Variants in CNBD1 observed in about 807,000 individuals in gnomAD.
CNBD1 encodes the protein cyclic nucleotide binding domain containing 1, also known as cyclic nucleotide-binding domain-containing protein 1.
CNBD1 carries 71 observed loss-of-function variants against 54.4 expected under a neutral mutation model. The ratio of observed to expected loss-of-function variants is 1.30; its 90% CI spans 1.08 to 1.59. The LOEUF is 1.59. Among genes scored for constraint, CNBD1 ranks in the 40% most tolerant of loss-of-function variants. The pLI is 0.00. For missense variants in CNBD1, 659 were observed against 518.0 expected, an observed-to-expected ratio of 1.27 and a Z score of -2.64; for synonymous variants, 182 against 170.7, an observed-to-expected ratio of 1.07 and a Z score of -0.51.
chr8:86,872,690 CT>C (rs949237019), intron 1 of CNBD1, among the ~76,000 whole-genome samples: 1 of 152,004 alleles, frequency 6.6e-6, no homozygotes, highest in Non-Finnish European at 1.5e-5. Context: ...GAGATATTGA[CT>C]TTTTTTTGTT....
chr8:87,229,444 A>G (rs1188294766), intron 5 of CNBD1, among the ~76,000 whole-genome samples: 2 of 152,218 alleles, frequency 1.3e-5, no homozygotes, highest in African/African-American at 2.4e-5. Context: ...CTCACAATTC[A>G]TACATTTAAC....
At chr8:87,055,282 T>C (rs528884196) in intron 4 of CNBD1, among the ~76,000 whole-genome samples, 2 of 152,338 alleles carry the variant, frequency 1.3e-5, no homozygotes, top group South Asian at 4.1e-4. Flanking sequence ...TATGAGAAAC[T>C]TCTCTCATCT....
chr8:87,342,773 A>G (rs537626824), intron 8 of CNBD1, among the ~76,000 whole-genome samples: 1 of 152,138 alleles, frequency 6.6e-6, no homozygotes, highest in East Asian at 1.9e-4. Context: ...CAAGGATCAC[A>G]TGCTTCAAAG....
chr8:87,125,231 T>C (rs1811967770), intron 4 of CNBD1, among the ~76,000 whole-genome samples: 1 of 151,752 alleles, frequency 6.6e-6, no homozygotes, highest in Non-Finnish European at 1.5e-5. Context: ...ATTTATAAAT[T>C]TGATGCAATC....
chr8:86,919,018 T>C (rs1170440293), intron 3 of CNBD1, among the ~76,000 whole-genome samples: 2 of 151,902 alleles, frequency 1.3e-5, no homozygotes, highest in Admixed American at 1.3e-4. Flanking sequence ...GAAAATATCA[T>C]GCTTTTTTTT....
At chr8:87,119,792 G>C (rs1166715441) in intron 4 of CNBD1, among the ~76,000 whole-genome samples, 1 of 151,922 alleles carries the variant, frequency 6.6e-6, no homozygotes, top group African/African-American at 2.4e-5. Flanking sequence ...TATAGTGAAG[G>C]GATGTTGAAA....
chr8:87,204,747 C>G (rs1320082115), intron 4 of CNBD1, among the ~76,000 whole-genome samples: 1 of 152,108 alleles, frequency 6.6e-6, no homozygotes, highest in Non-Finnish European at 1.5e-5. Context: ...AAACCTCTGT[C>G]TTTACAGCCT....
Position 87,286,536 on chromosome 8 carries a change from T to C in CNBD1, c.910-3T>C, listed in dbSNP as rs903811628. On this transcript the variant is annotated splice_region_variant and splice_polypyrimidine_tract_variant and intron_variant, in intron 7 of 10. Coordinates refer to ENST00000518476, the MANE Select transcript of CNBD1 (RefSeq NM_173538.3). Reference sequence around the variant, plus strand: ...AAAATTTGATAATGACATTCTGTTTTAGGAAAAAATAAAACTTGAAAATAT... The same window carrying C: ...AAAATTTGATAATGACATTCTGTTTCAGGAAAAAATAAAACTTGAAAATAT... 1 of 1,398,452 alleles carries C rather than the reference T, an allele frequency of 7.2e-7. No individual in the cohort carries two copies. The highest frequency in any genetic ancestry group is 9.9e-7 in the Non-Finnish European group (1 of 1,014,734). The allele number at this position is 1,398,452 out of a possible 1,614,324, so 86.6% of individuals were successfully genotyped here.
At chr8:86,920,254 G>A (rs964733334) in intron 3 of CNBD1, among the ~76,000 whole-genome samples, 5 of 151,998 alleles carry the variant, frequency 3.3e-5, no homozygotes, top group Non-Finnish European at 5.9e-5. Context: ...TTTTAATTTA[G>A]GATCTTTTAA....
chr8:86,904,378 G>A (rs1325052176), intron 2 of CNBD1, among the ~76,000 whole-genome samples: 2 of 151,992 alleles, frequency 1.3e-5, no homozygotes, highest in Non-Finnish European at 2.9e-5. Flanking sequence ...GGATTTTCCA[G>A]AAACAAATAT....
intron 4 of CNBD1, among the ~76,000 whole-genome samples, chr8:87,101,445 A>G (rs532816145): frequency 1.3e-5 from 2 of 151,566 alleles, no homozygotes; most frequent in East Asian, 3.9e-4. Context: ...AACTATAAAT[A>G]TATATATATA....
At chr8:87,397,810 G>A (rs1032748749) in intron 2 of CNBD1, among the ~76,000 whole-genome samples, 3 of 151,974 alleles carry the variant, frequency 2.0e-5, no homozygotes, top group Admixed American at 1.3e-4. Flanking sequence ...GGTGGTTGAT[G>A]ACTGAATCAT....
At chr8:86,884,840 A>G (rs1454838873) in intron 1 of CNBD1, among the ~76,000 whole-genome samples, 2 of 152,192 alleles carry the variant, frequency 1.3e-5, no homozygotes, top group Non-Finnish European at 2.9e-5. Flanking sequence ...TCCATTTATC[A>G]TTGGATTAAT....
At position 87,129,891 on chromosome 8, in the gene CNBD1, G is replaced by A. The variant is rs147655555; in HGVS notation, c.432-76102G>A. On this transcript the variant is annotated intron_variant, in intron 4 of 10. Coordinates refer to ENST00000518476, the MANE Select transcript of CNBD1 (RefSeq NM_173538.3). ...CTGGGGAAATTTAGAAAAGAAAGAG[G>A]TTTAATTGACCTACAGATTCACGTG... Among the ~76,000 whole-genome samples, 70 of 152,292 alleles carry A rather than the reference G, an allele frequency of 4.6e-4. 1 individual carries two copies. Among genetic ancestry groups the A allele is most frequent in the African/African-American group, 1.4e-3 (58 of 41,554 alleles).
intron 10 of CNBD1, among the ~76,000 whole-genome samples, chr8:87,373,047 CTT>C (rs1315759896): frequency 1.3e-5 from 2 of 151,674 alleles, no homozygotes; most frequent in Admixed American, 6.6e-5. Context: ...TAGATTATAA[CTT>C]TTAAAAATTA....
At chr8:87,344,833 A>G (rs1429789405) in intron 8 of CNBD1, among the ~76,000 whole-genome samples, 2 of 152,120 alleles carry the variant, frequency 1.3e-5, no homozygotes, top group Non-Finnish European at 2.9e-5. Context: ...ATGCTGCTTA[A>G]ATAATTGAAC....
intron 4 of CNBD1, among the ~76,000 whole-genome samples, chr8:87,181,199 C>T (rs892592561): frequency 6.6e-6 from 1 of 152,154 alleles, no homozygotes; most frequent in Non-Finnish European, 1.5e-5. Flanking sequence ...GAATCAAAAG[C>T]ATCTATTCCT....
intron 4 of CNBD1, among the ~76,000 whole-genome samples, chr8:87,103,807 G>A (rs552731789): frequency 6.6e-6 from 1 of 152,296 alleles, no homozygotes; most frequent in East Asian, 1.9e-4. Context: ...CTTTAAAAAT[G>A]TAGACAAAAT....
At chr8:87,389,082 G>A (rs1350062781) in intron 2 of CNBD1, among the ~76,000 whole-genome samples, 2 of 152,136 alleles carry the variant, frequency 1.3e-5, no homozygotes, top group African/African-American at 4.8e-5. Flanking sequence ...AATAAATTAG[G>A]TATTGATGGG....
Sources: allele counts gnomAD v4.1 joint callset (sites outside exome capture counted in the v4.1 genomes callset), GRCh38; gene constraint gnomAD v4.1.1; transcripts MANE v1.5; gene names NCBI Gene and HGNC (gene_info 2026-07-23, HGNC 2026-07-21).